The following PROCR variants were observed in gnomAD, a reference collection of about 807,000 sequenced individuals.
The protein encoded by PROCR is protein C receptor.
A neutral mutation model predicts 24.2 loss-of-function variants in PROCR; 22 were observed. That is an observed-to-expected ratio of 0.91 (90% CI 0.65 to 1.30). PROCR has a LOEUF of 1.30. Among genes scored for constraint, PROCR ranks in the 50% most tolerant of loss-of-function variants. The pLI is 0.00. For synonymous variants in PROCR, 137 were observed against 139.2 expected (o/e 0.98, Z 0.11); for missense variants, 288 against 307.7 (o/e 0.94, Z 0.48).
chr20:35,205,785 A>ATATATATATG (rs2060338358), intron 1 of PROCR, among the ~76,000 whole-genome samples: 1 of 134,220 alleles, frequency 7.5e-6, no homozygotes, highest in African/African-American at 2.8e-5. Context: ...ATATATATAT[A>ATATATATATG]TATGTATATA....
chr20:35,198,872 G>A (rs2060308917), intron 1 of PROCR, among the ~76,000 whole-genome samples: 1 of 152,018 alleles, frequency 6.6e-6, no homozygotes, highest in Non-Finnish European at 1.5e-5. Context: ...ACACCACCAT[G>A]CCTGCCTAAT....
intron 1 of PROCR, among the ~76,000 whole-genome samples, chr20:35,205,752 AATATATAT>A (rs200029202): frequency 0.021 from 2,198 of 102,598 alleles, 134 homozygotes; most frequent in African/African-American, 0.078. Context: ...ACTCTGTCTA[AATATATAT>A]ATATATATAT....
At chr20:35,180,838 TTTG>T (rs1164347807), downstream of PROCR, among the ~76,000 whole-genome samples, 7 of 150,694 alleles carry the variant, frequency 4.6e-5, no homozygotes, top group African/African-American at 9.7e-5. Context: ...TATTCCGTTT[TTTG>T]TTGTTGTTTG....
intron 1 of PROCR, among the ~76,000 whole-genome samples, chr20:35,184,943 C>T (rs1421625005): frequency 2.0e-5 from 3 of 148,676 alleles, no homozygotes; most frequent in African/African-American, 5.0e-5. Flanking sequence ...AGACAACTCA[C>T]AGAGTGGGAG....
intron 1 of PROCR, among the ~76,000 whole-genome samples, chr20:35,210,815 C>T (rs142504386): frequency 0.02 from 3,078 of 151,478 alleles, 89 homozygotes; most frequent in African/African-American, 0.071. Flanking sequence ...AGGGTTCAAG[C>T]GATTCTCCTG....
intron 1 of PROCR, among the ~76,000 whole-genome samples, chr20:35,206,249 C>T (rs1168991878): frequency 3.3e-5 from 5 of 151,240 alleles, no homozygotes; most frequent in South Asian, 2.1e-4. Context: ...CTGAGGCAGG[C>T]GGATCACGAG....
At chr20:35,200,687 C>T (rs775360058) in intron 1 of PROCR, among the ~76,000 whole-genome samples, 1 of 152,110 alleles carries the variant, frequency 6.6e-6, no homozygotes, top group Non-Finnish European at 1.5e-5. Context: ...TTTGCTCTGT[C>T]GCCCAAGCTG....
chr20:35,213,040 G>A (rs1185484070), intron 1 of PROCR, among the ~76,000 whole-genome samples: 2 of 152,096 alleles, frequency 1.3e-5, no homozygotes, highest in Admixed American at 1.3e-4. Context: ...TATTATAGGA[G>A]TCTGTTCAGG....
intron 1 of PROCR, among the ~76,000 whole-genome samples, chr20:35,204,113 G>T (rs2060328757): frequency 6.6e-6 from 1 of 152,084 alleles, no homozygotes; most frequent in African/African-American, 2.4e-5. Context: ...AGACCCTCCA[G>T]ATATTAAAAG....
chr20:35,181,028 G>A (rs1429956376), downstream of PROCR, among the ~76,000 whole-genome samples: 4 of 151,644 alleles, frequency 2.6e-5, no homozygotes, highest in South Asian at 2.1e-4. Flanking sequence ...CACCACGCCC[G>A]GCTAATTTTT....
chr20:35,208,508 TA>T (rs982051818), intron 1 of PROCR, among the ~76,000 whole-genome samples: 8 of 152,164 alleles, frequency 5.3e-5, no homozygotes, highest in African/African-American at 1.9e-4. Context: ...TTAAGTCATT[TA>T]TCTGAAGTTG....
chr20:35,171,301 G>T (rs115088244), upstream of PROCR, among the ~76,000 whole-genome samples: 1,931 of 152,270 alleles, frequency 0.013, 55 homozygotes, highest in African/African-American at 0.044. Flanking sequence ...ATATACAACT[G>T]AGCAAATATT....
intron 1 of PROCR, among the ~76,000 whole-genome samples, chr20:35,191,462 A>G (rs2086172810): frequency 6.7e-6 from 1 of 148,924 alleles, no homozygotes; most frequent in Non-Finnish European, 1.5e-5. Context: ...CCCTAAACAA[A>G]TAATTTTTTT....
At chr20:35,184,801 G>A (rs2086109039) in intron 1 of PROCR, among the ~76,000 whole-genome samples, 1 of 152,148 alleles carries the variant, frequency 6.6e-6, no homozygotes, top group Non-Finnish European at 1.5e-5. Context: ...AACCCTTCTA[G>A]ACATTGGCTT....
intron 1 of PROCR, among the ~76,000 whole-genome samples, chr20:35,212,484 A>G (rs757856618): frequency 1.3e-5 from 2 of 152,172 alleles, no homozygotes; most frequent in Non-Finnish European, 2.9e-5. Flanking sequence ...GTCCTGCAAG[A>G]GGGCAAGATG....
At chr20:35,182,205 T>A (rs2086084496), downstream of PROCR, among the ~76,000 whole-genome samples, 1 of 152,234 alleles carries the variant, frequency 6.6e-6, no homozygotes, top group Non-Finnish European at 1.5e-5. Flanking sequence ...AGATTTCAGA[T>A]GCTGGGCAAC....
At chr20:35,206,201 G>A (rs914173524) in intron 1 of PROCR, among the ~76,000 whole-genome samples, 2 of 151,504 alleles carry the variant, frequency 1.3e-5, no homozygotes, top group Non-Finnish European at 2.9e-5. Context: ...TCAGTAGGGC[G>A]CAGTGCCTCA....
chr20:35,214,812 G>A lies in PROCR; in HGVS notation c.95-1081G>A, dbSNP rs139236910. Among the ~76,000 whole-genome samples the A allele has an allele frequency of 5.1e-4, 78 of 152,088 alleles. No homozygotes were observed. The East Asian group carries it at 0.013, about 25-fold the overall frequency. ...CTCAAGTCATTTGGGGCTGGACATT[G>A]AGACTGAGTCGGGGGATTGGACTGG... On this transcript the variant is annotated intron_variant, in intron 1 of 1. Coordinates refer to the PROCR transcript ENST00000634509.
Position 35,176,945 on chromosome 20 carries a change from C to T in PROCR, c.*132C>T, listed in dbSNP as rs2086026864. 1.1e-5 allele frequency: 17 copies of T among 1,521,612 alleles called. No homozygotes were observed. In the South Asian group the frequency reaches 2.1e-4, roughly 19 times the overall value. The allele number at this position is 1,521,612 out of a possible 1,614,324, so 94.3% of individuals were successfully genotyped here. On this transcript the variant is annotated 3_prime_UTR_variant, in exon 4 of 4. Transcript: ENST00000216968. ...GAGTGACAGCTCCTTTCTTCTCCCA[C>T]ATCTGCCCACTGAAGATTTGAGGGA...
Sources: gnomAD v4.1 joint callset for allele counts (sites outside exome capture counted in the v4.1 genomes callset) on GRCh38, gnomAD v4.1.1 for gene constraint, MANE v1.5 for transcripts, NCBI Gene and HGNC (gene_info 2026-07-23, HGNC 2026-07-21) for gene names.